DENND1A: variants seen among roughly 807,000 people sequenced by gnomAD.
DENND1A encodes DENN domain-containing protein 1A.
A neutral mutation model predicts 113.7 loss-of-function variants in DENND1A; 51 were observed. The observed-to-expected ratio is 0.45, with a 90% confidence interval of 0.36 to 0.57. The LOEUF (loss-of-function observed/expected upper bound fraction) is 0.57. Ranked by LOEUF, DENND1A falls within the 20% of genes least tolerant of loss-of-function variation. The pLI is 0.00. For synonymous variants in DENND1A, 565 were observed against 570.8 expected, an observed-to-expected ratio of 0.99 and a Z score of 0.14; for missense variants, 1,258 against 1,395.9, an observed-to-expected ratio of 0.90 and a Z score of 1.57.
Position 123,382,128 on chromosome 9 carries a change from G to A in DENND1A, c.2517C>T (p.Ser839=). 6.3e-7 allele frequency: 1 copy of A among 1,588,252 alleles called. No individual in the cohort carries two copies. Among genetic ancestry groups the A allele is most frequent in the South Asian group, 1.1e-5 (1 of 87,852 alleles). ...LSPGPGAAGT[S]SDALLALLDP... is the part of the protein sequence containing the mutation. ...CCAGGAGGGCGAGCAGGGCGTCACT[G>A]CTCGTGCCTGCAGCCCCGGGGCCAG... Residue 839 remains serine (S), a synonymous_variant, in exon 24 of 24, where the codon AGC becomes AGT. Transcript: ENST00000394215.
intron 19 of DENND1A, chr9:123,413,910 C>G: frequency 1.0e-6 from 1 of 985,752 alleles, no homozygotes; most frequent in Non-Finnish European, 1.2e-6. Context: ...CACCGGTGCA[C>G]AGGCTGCTAC....
intron 5 of DENND1A, among the ~76,000 whole-genome samples, chr9:123,694,985 C>CT (rs1179094846): frequency 6.6e-6 from 1 of 152,128 alleles, no homozygotes; most frequent in Non-Finnish European, 1.5e-5. Context: ...ATCTAATAAG[C>CT]TGCCAGTGAA....
At chr9:123,890,135 T>G (rs532417105) in intron 1 of DENND1A, among the ~76,000 whole-genome samples, 1 of 152,300 alleles carries the variant, frequency 6.6e-6, no homozygotes, top group South Asian at 2.1e-4. Flanking sequence ...GATGGTGGTA[T>G]TTTCCTTGTT....
chr9:123,804,960 C>T (rs1026516761), intron 2 of DENND1A, among the ~76,000 whole-genome samples: 1 of 152,112 alleles, frequency 6.6e-6, no homozygotes, highest in Non-Finnish European at 1.5e-5. Flanking sequence ...ACCAGCATAC[C>T]TCTGCACTCA....
intron 2 of DENND1A, among the ~76,000 whole-genome samples, chr9:123,808,377 T>C (rs907286168): frequency 1.3e-5 from 2 of 151,394 alleles, no homozygotes; most frequent in African/African-American, 4.9e-5. Context: ...TAGTATCCAA[T>C]AATTTGCTTT....
intron 7 of DENND1A, among the ~76,000 whole-genome samples, chr9:123,668,876 A>G (rs1276903043): frequency 2.0e-5 from 3 of 152,220 alleles, no homozygotes; most frequent in African/African-American, 7.2e-5. Flanking sequence ...GCAAGGTTCC[A>G]GTATGACTCC....
intron 19 of DENND1A, among the ~76,000 whole-genome samples, chr9:123,426,289 T>C (rs2045725928): frequency 6.6e-6 from 1 of 152,198 alleles, no homozygotes; most frequent in African/African-American, 2.4e-5. Context: ...TGATACCCAT[T>C]GTGCCTCACA....
intron 5 of DENND1A, among the ~76,000 whole-genome samples, chr9:123,682,676 T>C (rs938303162): frequency 1.3e-4 from 20 of 152,300 alleles, no homozygotes; most frequent in African/African-American, 4.8e-4. Context: ...TGAATCTTAG[T>C]TCTGCTCCTT....
intron 11 of DENND1A, among the ~76,000 whole-genome samples, chr9:123,592,028 TCA>T (rs1277119885): frequency 2.6e-5 from 4 of 152,224 alleles, no homozygotes; most frequent in African/African-American, 9.6e-5. Context: ...CTTCTGAGCC[TCA>T]GTGTTCTTAT....
At chr9:123,678,129 C>T (rs1333939016) in intron 5 of DENND1A, among the ~76,000 whole-genome samples, 1 of 152,186 alleles carries the variant, frequency 6.6e-6, no homozygotes, top group African/African-American at 2.4e-5. Flanking sequence ...GCTCTCAGAA[C>T]ATTCCCCACA....
chr9:123,461,040 T>C (rs1444117497), intron 13 of DENND1A, among the ~76,000 whole-genome samples: 4 of 152,214 alleles, frequency 2.6e-5, no homozygotes, highest in African/African-American at 9.7e-5. Context: ...CCTGGCTTCC[T>C]TTCCTAGAGT....
chr9:123,911,857 A>AT (rs928299875), intron 1 of DENND1A, among the ~76,000 whole-genome samples: 8 of 150,978 alleles, frequency 5.3e-5, no homozygotes, highest in South Asian at 2.1e-4. Context: ...TGCCCGGCTA[A>AT]TTTTTTTTTG....
In DENND1A at chr9:123,583,243, C is replaced by G; in HGVS notation, c.793G>C (p.Val265Leu). ...TTGGTGTCCACATTCAGGATCACGA[C>G]ATCATCCAGGGCCATGTTTCTGACT... is the stretch of plus-strand genomic sequence containing the variant. Reference protein sequence around the residue: ...EKVRNMALDDVVILNVDTNTL... With the variant: ...EKVRNMALDDLVILNVDTNTL... Residue 265 changes from valine (V) to leucine (L), a missense_variant, in exon 12 of 24, where the codon GTC becomes CTC. Transcript: ENST00000394215. The G allele has an allele frequency of 6.2e-7, 1 of 1,612,512 alleles. No homozygotes were observed.
intron 10 of DENND1A, among the ~76,000 whole-genome samples, 172 bp downstream of exon 10, chr9:123,630,204 C>CCTTTT (rs2061414661): frequency 1.1e-5 from 1 of 94,066 alleles, no homozygotes. Flanking sequence ...CCATGACTGG[C>CCTTTT]TTTTTTTTTT....
intron 5 of DENND1A, among the ~76,000 whole-genome samples, chr9:123,746,941 A>T (rs1005040904): frequency 6.6e-5 from 10 of 152,186 alleles, no homozygotes; most frequent in Non-Finnish European, 1.5e-4. Context: ...CAAAATTTAC[A>T]AAAGTGACAG....
At chr9:123,553,068 A>C (rs895704708) in intron 13 of DENND1A, among the ~76,000 whole-genome samples, 4 of 152,150 alleles carry the variant, frequency 2.6e-5, no homozygotes, top group Admixed American at 2.0e-4. Flanking sequence ...CCAGCTGGGC[A>C]ACATAGCAAG....
rs28442036 is a variant in DENND1A at position 123,542,322 on chromosome 9, G to A, written c.993+15248C>T. Among the ~76,000 whole-genome samples the A allele has an allele frequency of 5.5e-3, 831 of 152,326 alleles. 12 individuals are homozygous for A. The highest frequency in any genetic ancestry group is 0.019 in the African/African-American group (788 of 41,562). ...AGTTGAGGTAATAGGGTTCAGAAAG[G>A]TATAGTAACTTGTGTAGAGTCACAC... On this transcript the variant is annotated intron_variant, in intron 13 of 23. Transcript: ENST00000394215.
intron 5 of DENND1A, among the ~76,000 whole-genome samples, chr9:123,752,913 C>T (rs909724744): frequency 2.0e-5 from 3 of 152,150 alleles, no homozygotes; most frequent in African/African-American, 7.2e-5. Flanking sequence ...AATTTAGTAT[C>T]AACTCCCATC....
At chr9:123,887,105 A>G (rs546996822) in intron 1 of DENND1A, among the ~76,000 whole-genome samples, 1 of 152,210 alleles carries the variant, frequency 6.6e-6, no homozygotes. Flanking sequence ...GCTGAGCTGC[A>G]GTGTAAAATC....
Sources: allele counts gnomAD v4.1 joint callset (sites outside exome capture counted in the v4.1 genomes callset), GRCh38; gene constraint gnomAD v4.1.1; transcripts MANE v1.5; gene names NCBI Gene and HGNC (gene_info 2026-07-23, HGNC 2026-07-21).